The following CDK5RAP2 variants were observed in gnomAD, a reference collection of about 807,000 sequenced individuals.
CDK5RAP2 encodes CDK5 regulatory subunit-associated protein 2.
In CDK5RAP2, 147 loss-of-function variants were observed where a neutral mutation model predicts 232.9. That is an observed-to-expected ratio of 0.63 (90% CI 0.55 to 0.72). The LOEUF (loss-of-function observed/expected upper bound fraction) is 0.72, where lower values mean the gene tolerates loss of function less well. Among genes scored for constraint, CDK5RAP2 ranks in the 30% least tolerant of loss-of-function variants. CDK5RAP2 has a pLI of 0.00. For synonymous variants in CDK5RAP2, 833 were observed against 833.7 expected (o/e 1.00, Z 0.01); for missense variants, 2,195 against 2,231.5 (o/e 0.98, Z 0.33).
At chr9:120,520,832 T>C (rs1437554952) in intron 11 of CDK5RAP2, among the ~76,000 whole-genome samples, 1 of 150,926 alleles carries the variant, frequency 6.6e-6, no homozygotes, top group Non-Finnish European at 1.5e-5. Context: ...ATATCTCATA[T>C]GAGCTGTATC....
chr9:120,492,125 G>A (rs117668013), intron 12 of CDK5RAP2, among the ~76,000 whole-genome samples: 2,865 of 152,062 alleles, frequency 0.019, 43 homozygotes, highest in Non-Finnish European at 0.03. Flanking sequence ...GAATGATTGT[G>A]ACTACCTTTA....
In CDK5RAP2 at chr9:120,530,039, G is replaced by A. The variant is rs35199933; in HGVS notation, c.764C>T (p.Ser255Leu). ...ACAAAGTCCTCGGAGCTCTCCAGAT[G>A]ACACATTCTCATCAGGACATGCCAT... Reference protein sequence around the residue: ...SQMACPDENVSSGELRGLCAA... With the variant: ...SQMACPDENVLSGELRGLCAA... The change falls in exon 8 of 38, where the codon TCA becomes TTA. Residue 255 changes from serine (S) to leucine (L), a missense_variant. Coordinates refer to ENST00000349780, the MANE Select transcript of CDK5RAP2 (RefSeq NM_018249.6). 1 of 1,613,850 alleles carries A rather than the reference G, an allele frequency of 6.2e-7. No individual in the cohort carries two copies. Among genetic ancestry groups the A allele is most frequent in the Non-Finnish European group, 8.5e-7 (1 of 1,179,914 alleles).
At chr9:120,392,668 G>A (rs1270303531) in intron 36 of CDK5RAP2, among the ~76,000 whole-genome samples, 1 of 152,172 alleles carries the variant, frequency 6.6e-6, no homozygotes, top group African/African-American at 2.4e-5. Flanking sequence ...TGCCTTAACA[G>A]GACCACAGCT....
chr9:120,568,879 A>G (rs2042743687), intron 2 of CDK5RAP2, among the ~76,000 whole-genome samples: 1 of 152,218 alleles, frequency 6.6e-6, no homozygotes, highest in Non-Finnish European at 1.5e-5. Context: ...AAAAACAGCC[A>G]CAAACAATCC....
rs571747151 is a variant in CDK5RAP2, at chr9:120,579,731, G to A, written c.59+189C>T. Among the ~76,000 whole-genome samples, 32 of 152,348 alleles carry A rather than the reference G, an allele frequency of 2.1e-4. 1 individual carries two copies. Among genetic ancestry groups the A allele is most frequent in the African/African-American group, 7.0e-4 (29 of 41,586 alleles). The stretch of plus-strand genomic sequence containing the variant: ...CAATGCTACTGGCAATTGTGGTGCA[G>A]GTCGCGGCTCCCAGCCCTCCAGAGT... On this transcript the variant is annotated intron_variant, in intron 1 of 37. Transcript: ENST00000349780.
At chr9:120,570,207 C>T (rs1376105101) in intron 2 of CDK5RAP2, among the ~76,000 whole-genome samples, 1 of 152,120 alleles carries the variant, frequency 6.6e-6, no homozygotes, top group Non-Finnish European at 1.5e-5. Context: ...GTGAAGGGCA[C>T]GCTAGTTTGT....
intron 25 of CDK5RAP2, among the ~76,000 whole-genome samples, chr9:120,425,771 G>C (rs1303766430): frequency 1.3e-5 from 2 of 152,318 alleles, no homozygotes; most frequent in African/African-American, 4.8e-5. Flanking sequence ...GTAATTGGTA[G>C]AAACTAATTC....
At position 120,553,001 on chromosome 9, in the gene CDK5RAP2, C is replaced by T. The variant is rs146125209; in HGVS notation, c.196-2099G>A. 1.7e-3 allele frequency among the ~76,000 whole-genome samples: 252 copies of T among 152,124 alleles called. 1 individual carries two copies. The highest frequency in any genetic ancestry group is 5.1e-3 in the African/African-American group (210 of 41,492). On this transcript the variant is annotated intron_variant, in intron 3 of 37. Coordinates refer to ENST00000349780, the MANE Select transcript of CDK5RAP2 (RefSeq NM_018249.6). Reference sequence around the variant, plus strand: ...CTGTGCTATTTTGCAACTTTTCATACGCTTGAAATCTGTCACAATAAAAAG... The same window carrying T: ...CTGTGCTATTTTGCAACTTTTCATATGCTTGAAATCTGTCACAATAAAAAG...
intron 25 of CDK5RAP2, among the ~76,000 whole-genome samples, chr9:120,433,841 ACT>A (rs1233605642): frequency 6.6e-6 from 1 of 152,078 alleles, no homozygotes; most frequent in Non-Finnish European, 1.5e-5. Flanking sequence ...ACTGGGCCAC[ACT>A]CTCCACAGCT....
intron 8 of CDK5RAP2, among the ~76,000 whole-genome samples, chr9:120,529,613 C>T (rs544389817): frequency 2.6e-5 from 4 of 152,294 alleles, no homozygotes; most frequent in African/African-American, 9.6e-5. Context: ...CCAAAGTTGG[C>T]CTCACACCTA....
intron 10 of CDK5RAP2, 75 bp from the exon 11 acceptor site, chr9:120,525,153 G>T: frequency 9.2e-7 from 1 of 1,091,876 alleles, no homozygotes; most frequent in Non-Finnish European, 1.4e-6. Context: ...TGCTTTTCCT[G>T]CTCAATTGTG....
chr9:120,492,115 G>C (rs1311671340), intron 12 of CDK5RAP2, among the ~76,000 whole-genome samples: 2 of 151,890 alleles, frequency 1.3e-5, no homozygotes, highest in African/African-American at 2.4e-5. Context: ...ACCGTATACA[G>C]AATGATTGTG....
intron 7 of CDK5RAP2, among the ~76,000 whole-genome samples, chr9:120,531,709 G>C (rs1466406200): frequency 6.6e-6 from 1 of 152,116 alleles, no homozygotes; most frequent in Non-Finnish European, 1.5e-5. Context: ...CTTAGTTTGG[G>C]AGAAAGAAGA....
At chr9:120,438,396 A>C (rs1273315720) in intron 24 of CDK5RAP2, among the ~76,000 whole-genome samples, 1 of 152,250 alleles carries the variant, frequency 6.6e-6, no homozygotes, top group East Asian at 1.9e-4. Flanking sequence ...TAGAGTGTGC[A>C]CATGCAGATT....
At chr9:120,395,881 G>A (rs1374743680) in intron 35 of CDK5RAP2, among the ~76,000 whole-genome samples, 1 of 152,174 alleles carries the variant, frequency 6.6e-6, no homozygotes, top group Non-Finnish European at 1.5e-5. Flanking sequence ...TAAAAGATGT[G>A]GGAGGAACAC....
chr9:120,437,261 A>T, intron 25 of CDK5RAP2, 34 bp downstream of exon 25: 2 of 1,471,774 alleles, frequency 1.4e-6, no homozygotes, highest in Non-Finnish European at 1.9e-6. Flanking sequence ...TCAATTACTG[A>T]TGTCTTAAGA....
At chr9:120,480,610 A>G (rs1360048948) in intron 14 of CDK5RAP2, among the ~76,000 whole-genome samples, 2 of 152,176 alleles carry the variant, frequency 1.3e-5, no homozygotes, top group Non-Finnish European at 2.9e-5. Context: ...TAATTTCAAA[A>G]TATTTGGTTT....
chr9:120,428,594 C>A (rs990348907), intron 25 of CDK5RAP2, among the ~76,000 whole-genome samples: 2 of 152,192 alleles, frequency 1.3e-5, no homozygotes, highest in Admixed American at 1.3e-4. Context: ...ATAACAGGAT[C>A]TGAAATTGTG....
Position 120,394,494 on chromosome 9 carries a change from AC to A in CDK5RAP2, c.5578+17del, listed in dbSNP as rs2032284282. ...CAGGAAGTGGTCAGGCATAGCGGCC[AC>A]CCCCACACTCACTCACATTGATCAA... On this transcript the variant is annotated intron_variant, in intron 36 of 37. Coordinates refer to ENST00000349780, the MANE Select transcript of CDK5RAP2 (RefSeq NM_018249.6). 1.2e-6 allele frequency: 2 copies of A among 1,613,980 alleles called. No homozygotes were observed. Among genetic ancestry groups the A allele is most frequent in the Non-Finnish European group, 1.7e-6 (2 of 1,179,998 alleles).
Sources: allele counts gnomAD v4.1 joint callset (sites outside exome capture counted in the v4.1 genomes callset), GRCh38; gene constraint gnomAD v4.1.1; transcripts MANE v1.5; gene names NCBI Gene and HGNC (gene_info 2026-07-23, HGNC 2026-07-21).